Variants in CR1 observed in about 807,000 individuals in gnomAD.
CR1 encodes the protein complement receptor type 1.
Under a neutral mutation model 187.3 loss-of-function variants are expected in CR1, and 116 were observed. That is an observed-to-expected ratio of 0.62 (90% confidence interval 0.53 to 0.72). CR1 has a LOEUF of 0.72. CR1 is among the 30% of genes least tolerant of loss of function. CR1 has a pLI of 0.00. For missense variants in CR1, 1,731 were observed against 2,110.7 expected (o/e 0.82, Z 3.52); for synonymous variants, 576 against 747.1 (o/e 0.77, Z 3.73).
At chr1:207,635,414 C>T (rs1227249691) in intron 46 of CR1, among the ~76,000 whole-genome samples, 1 of 152,158 alleles carries the variant, frequency 6.6e-6, no homozygotes, top group East Asian at 1.9e-4. Flanking sequence ...GAATTAACTG[C>T]TGTGCTTTAG....
intron 1 of CR1, among the ~76,000 whole-genome samples, chr1:207,501,059 T>G (rs997781383): frequency 6.6e-6 from 1 of 152,142 alleles, no homozygotes; most frequent in African/African-American, 2.4e-5. Context: ...AATGAAGTGA[T>G]TTAGGTTATA....
Position 207,622,624 on chromosome 1 carries a change from G to A in CR1, c.7277-369G>A, listed in dbSNP as rs1199263918. On this transcript the variant is annotated intron_variant, in intron 44 of 46. Coordinates refer to ENST00000367049, the MANE Select transcript of CR1 (RefSeq NM_000651.6). ...TAAATGGACAAAATGACCTAAATATGTAATTCAACAAGAGAGAGAATTCCA... is the reference window on the plus strand; with the variant it reads ...TAAATGGACAAAATGACCTAAATATATAATTCAACAAGAGAGAGAATTCCA... Among the ~76,000 whole-genome samples the A allele has an allele frequency of 3.9e-5, 6 of 152,298 alleles. No individual in the cohort carries two copies. In the East Asian group the frequency reaches 1.2e-3, roughly 29 times the overall value.
At chr1:207,497,623 C>G (rs763122811) in intron 1 of CR1, among the ~76,000 whole-genome samples, 2 of 152,190 alleles carry the variant, frequency 1.3e-5, no homozygotes, top group African/African-American at 2.4e-5. Flanking sequence ...ATAAAACGTA[C>G]AATCTTATTT....
intron 46 of CR1, among the ~76,000 whole-genome samples, chr1:207,631,408 T>C (rs1355252084): frequency 6.6e-6 from 1 of 152,166 alleles, no homozygotes; most frequent in Non-Finnish European, 1.5e-5. Context: ...CCTTTTATAC[T>C]ACAACAGCAG....
Position 207,619,947 on chromosome 1 carries a change from T to A in CR1, c.7134T>A (p.Tyr2378Ter). The A allele has an allele frequency of 6.2e-7, 1 of 1,611,152 alleles. No individual in the cohort carries two copies. The change falls in exon 43 of 47, where the codon TAT becomes TAA. Residue 2378 changes from tyrosine (Y) to a stop codon, truncating the protein, a stop_gained. Transcript: ENST00000367049. LOFTEE classifies it high-confidence loss of function. The part of the protein sequence containing the change: ...ISKELEMKKV[Y>*]HYGDYVTLKC... ...AGGAGTTAGAAATGAAAAAAGTATA[T>A]CACTATGGAGATTATGTGACTTTGA...
At chr1:207,633,209 A>G (rs1662704554) in intron 46 of CR1, among the ~76,000 whole-genome samples, 1 of 152,196 alleles carries the variant, frequency 6.6e-6, no homozygotes, top group Non-Finnish European at 1.5e-5. Flanking sequence ...GTCCAAAATG[A>G]TATCTCTCTT....
intron 27 of CR1, among the ~76,000 whole-genome samples, chr1:207,573,909 A>T (rs929454451): frequency 2.0e-5 from 3 of 152,212 alleles, no homozygotes; most frequent in Admixed American, 1.3e-4. Context: ...AGGCAAGAGT[A>T]TCACTTGAGC....
At chr1:207,525,953 C>T (rs575268557) in intron 5 of CR1, among the ~76,000 whole-genome samples, 61 of 152,020 alleles carry the variant, frequency 4.0e-4, no homozygotes, top group South Asian at 8.3e-4. Context: ...AAAGACAAAC[C>T]GAAATTATTT....
chr1:207,506,116 A>G (rs1659424624), intron 2 of CR1, 33 bp downstream of exon 2: 1 of 1,602,498 alleles, frequency 6.2e-7, no homozygotes, highest in African/African-American at 1.3e-5. Context: ...CCCCCCTGTT[A>G]GTCAAACATC....
intron 4 of CR1, among the ~76,000 whole-genome samples, chr1:207,513,178 A>G (rs1659675646): frequency 6.6e-6 from 1 of 152,238 alleles, no homozygotes; most frequent in Admixed American, 6.5e-5. Flanking sequence ...TAGAGACTCC[A>G]TGATCAATTA....
rs75979292 is a variant in CR1, at chr1:207,574,948, C to G, written c.4452-647C>G. ...ACAAGGAATGCATTTGTCTCTTCCA[C>G]CAGAAATAAGCCCCCTCATTTTTGG... On this transcript the variant is annotated intron_variant, in intron 27 of 46. Coordinates refer to ENST00000367049, the MANE Select transcript of CR1 (RefSeq NM_000651.6). Among the ~76,000 whole-genome samples the G allele has an allele frequency of 8.5e-5, 13 of 152,252 alleles. No individual in the cohort carries two copies. In the East Asian group the frequency reaches 2.5e-3, roughly 29 times the overall value.
At chr1:207,522,285 A>T (rs1014978477) in intron 4 of CR1, among the ~76,000 whole-genome samples, 5 of 152,208 alleles carry the variant, frequency 3.3e-5, no homozygotes, top group African/African-American at 9.6e-5. Context: ...GGCCACCCAC[A>T]GTACCAGTAC....
chr1:207,520,965 G>GTTTT (rs1659969781), intron 4 of CR1, among the ~76,000 whole-genome samples: 1 of 107,786 alleles, frequency 9.3e-6, no homozygotes, highest in African/African-American at 3.8e-5. Context: ...TTTTTTTTTG[G>GTTTT]TTGTTTTTTT....
intron 1 of CR1, among the ~76,000 whole-genome samples, chr1:207,504,148 T>A (rs1659358061): frequency 6.6e-6 from 1 of 152,176 alleles, no homozygotes; most frequent in African/African-American, 2.4e-5. Context: ...GCTGTCAGGT[T>A]TGGTACTATC....
chr1:207,500,291 A>T (rs1659228064), intron 1 of CR1, among the ~76,000 whole-genome samples: 1 of 152,230 alleles, frequency 6.6e-6, no homozygotes, highest in African/African-American at 2.4e-5. Flanking sequence ...GTTCGTGTAC[A>T]TATATAATTT....
Position 207,577,892 on chromosome 1 carries a change from C to A in CR1, c.4625C>A (p.Thr1542Asn). ...RENFHYGSVV[T>N]YRCNLGSRGR... The stretch of plus-strand genomic sequence containing the variant: ...AATTTTCACTATGGATCAGTGGTGA[C>A]CTACCGCTGCAATCTTGGAAGCAGA... The change falls in exon 29 of 47, where the codon ACC becomes AAC. Residue 1542 changes from threonine (T) to asparagine (N), a missense_variant. Coordinates refer to ENST00000367049, the MANE Select transcript of CR1 (RefSeq NM_000651.6). The A allele has an allele frequency of 1.2e-6, 2 of 1,613,396 alleles. No homozygotes were observed. The highest frequency in any genetic ancestry group is 1.7e-6 in the Non-Finnish European group (2 of 1,179,828).
intron 34 of CR1, 26 bp downstream of exon 34, chr1:207,587,591 C>G (rs1184980202): frequency 6.2e-7 from 1 of 1,603,564 alleles, no homozygotes; most frequent in Non-Finnish European, 8.5e-7. Flanking sequence ...CTGGGAACTA[C>G]TTCATGTCTG....
At chr1:207,584,590 C>T (rs1029915175) in intron 32 of CR1, 59 bp from the exon 33 acceptor site, 5 of 1,564,524 alleles carry the variant, frequency 3.2e-6, no homozygotes, top group East Asian at 4.5e-5. Flanking sequence ...ACTGTAGAAT[C>T]ACCTTGGATT....
At position 207,619,867 on chromosome 1, in the gene CR1, T is replaced by G. The variant is rs1662263557; in HGVS notation, c.7067-13T>G. ...ATAAAATATCAATTTCTTTCTGATT[T>G]GTCTAATTTCAGAAGTAAATTGTAG... On this transcript the variant is annotated splice_polypyrimidine_tract_variant and intron_variant, in intron 42 of 46. Coordinates refer to ENST00000367049, the MANE Select transcript of CR1 (RefSeq NM_000651.6). 1 of 1,558,546 alleles carries G rather than the reference T, an allele frequency of 6.4e-7. No homozygotes were observed. The highest frequency in any genetic ancestry group is 8.7e-7 in the Non-Finnish European group (1 of 1,151,898).
Sources: allele counts gnomAD v4.1 joint callset (sites outside exome capture counted in the v4.1 genomes callset), GRCh38; gene constraint gnomAD v4.1.1; transcripts MANE v1.5; gene names NCBI Gene and HGNC (gene_info 2026-07-23, HGNC 2026-07-21).